The following RPS6KC1 variants were observed in gnomAD, a reference collection of about 807,000 sequenced individuals.
The protein encoded by RPS6KC1 is ribosomal protein S6 kinase C1.
RPS6KC1 carries 54 observed loss-of-function variants against 103.8 expected under a neutral mutation model. The ratio of observed to expected loss-of-function variants is 0.52; its 90% CI spans 0.42 to 0.65. The LOEUF (loss-of-function observed/expected upper bound fraction) is 0.65, where lower values mean the gene tolerates loss of function less well. Among genes scored for constraint, RPS6KC1 ranks in the 30% least tolerant of loss-of-function variants. The probability of loss-of-function intolerance (pLI) is 0.00; values close to 1 mark genes in which losing one functional copy is unlikely to be tolerated. For synonymous variants in RPS6KC1, 439 were observed against 438.7 expected, an observed-to-expected ratio of 1.00 and a Z score of -0.01; for missense variants, 1,151 against 1,253.8, an observed-to-expected ratio of 0.92 and a Z score of 1.24.
the RPS6KC1 span, among the ~76,000 whole-genome samples, chr1:213,584,102 A>G: frequency 2.0e-5 from 3 of 151,968 alleles, no homozygotes; most frequent in African/African-American, 7.3e-5. Flanking sequence ...ATGAGTTCTG[A>G]TGTTTTTTCA....
chr1:213,503,211 C>T, the RPS6KC1 span, among the ~76,000 whole-genome samples: 2 of 152,126 alleles, frequency 1.3e-5, no homozygotes, highest in Non-Finnish European at 2.9e-5. Context: ...ACCTCTTGGC[C>T]TTATAGTTTC....
the RPS6KC1 span, among the ~76,000 whole-genome samples, chr1:213,308,216 A>G: frequency 4.0e-5 from 6 of 150,386 alleles, no homozygotes; most frequent in African/African-American, 1.5e-4. Flanking sequence ...CGGGAGGCTG[A>G]GGCATGAGAA....
chr1:213,268,287 A>G (rs1467184482), intron 14 of RPS6KC1, among the ~76,000 whole-genome samples: 1 of 151,930 alleles, frequency 6.6e-6, no homozygotes, highest in African/African-American at 2.4e-5. Flanking sequence ...CAAAGTGCTG[A>G]AATCAAGAAG....
At chr1:213,378,568 A>G in the RPS6KC1 span, among the ~76,000 whole-genome samples, 1 of 152,176 alleles carries the variant, frequency 6.6e-6, no homozygotes, top group Non-Finnish European at 1.5e-5. Flanking sequence ...GGAAAGAGGA[A>G]ACTGATGTTT....
At chr1:213,518,276 G>A in the RPS6KC1 span, among the ~76,000 whole-genome samples, 1 of 152,190 alleles carries the variant, frequency 6.6e-6, no homozygotes, top group African/African-American at 2.4e-5. Context: ...CTTTGCAGAT[G>A]TAATTAAGTT....
At chr1:213,263,438 G>A (rs2094844388) in intron 14 of RPS6KC1, among the ~76,000 whole-genome samples, 1 of 152,188 alleles carries the variant, frequency 6.6e-6, no homozygotes, top group Non-Finnish European at 1.5e-5. Context: ...GTTTCGTGTA[G>A]TGAATTTTGC....
the RPS6KC1 span, among the ~76,000 whole-genome samples, chr1:213,664,483 A>G: frequency 0.028 from 4,323 of 151,804 alleles, 77 homozygotes; most frequent in Non-Finnish European, 0.039. Flanking sequence ...AGCTCTCTCT[A>G]GTATGCCCCT....
At chr1:213,403,793 A>T in the RPS6KC1 span, among the ~76,000 whole-genome samples, 1 of 151,788 alleles carries the variant, frequency 6.6e-6, no homozygotes. Context: ...TATCATTCTG[A>T]CACACACCAT....
At chr1:213,483,080 G>A in the RPS6KC1 span, among the ~76,000 whole-genome samples, 1 of 152,104 alleles carries the variant, frequency 6.6e-6, no homozygotes, top group South Asian at 2.1e-4. Context: ...AATTTTAAAA[G>A]TACCTTTTTA....
the RPS6KC1 span, among the ~76,000 whole-genome samples, chr1:213,410,321 T>C: frequency 2.0e-5 from 3 of 152,086 alleles, no homozygotes; most frequent in Admixed American, 6.5e-5. Flanking sequence ...TGGAAGGGTC[T>C]GCCTCAGATG....
At chr1:213,379,475 G>A in the RPS6KC1 span, among the ~76,000 whole-genome samples, 2 of 152,116 alleles carry the variant, frequency 1.3e-5, no homozygotes, top group East Asian at 1.9e-4. Context: ...CCAGAAGCTT[G>A]GGGAGAGGCC....
the RPS6KC1 span, among the ~76,000 whole-genome samples, chr1:213,763,786 A>C: frequency 1.3e-5 from 2 of 152,122 alleles, no homozygotes; most frequent in African/African-American, 4.8e-5. Flanking sequence ...GCTGATTTGC[A>C]CTTCTTAATT....
the RPS6KC1 span, among the ~76,000 whole-genome samples, chr1:213,674,464 C>T: frequency 5.9e-5 from 9 of 152,158 alleles, no homozygotes; most frequent in Admixed American, 5.9e-4. Context: ...ATGCAGAGGA[C>T]ATGATTTTAT....
chr1:213,158,871 G>A (rs1377269103), intron 6 of RPS6KC1, among the ~76,000 whole-genome samples: 1 of 152,108 alleles, frequency 6.6e-6, no homozygotes, highest in East Asian at 1.9e-4. Context: ...ATTTGTTCTG[G>A]AAACATAGAA....
chr1:213,747,378 A>T, the RPS6KC1 span, among the ~76,000 whole-genome samples: 2 of 152,198 alleles, frequency 1.3e-5, no homozygotes, highest in Non-Finnish European at 2.9e-5. Context: ...CAAATGCTCA[A>T]CTGGATGGGG....
the RPS6KC1 span, among the ~76,000 whole-genome samples, chr1:213,416,459 A>G: frequency 1.3e-5 from 2 of 152,238 alleles, no homozygotes; most frequent in Non-Finnish European, 2.9e-5. Flanking sequence ...CTTGGCCAGT[A>G]AAGGCAGGCT....
At chr1:213,486,623 G>T in the RPS6KC1 span, among the ~76,000 whole-genome samples, 1 of 152,154 alleles carries the variant, frequency 6.6e-6, no homozygotes, top group Non-Finnish European at 1.5e-5. Context: ...CATTAAGCCT[G>T]GTGGTGTTGG....
At chr1:213,685,776 T>C in the RPS6KC1 span, among the ~76,000 whole-genome samples, 1 of 152,208 alleles carries the variant, frequency 6.6e-6, no homozygotes, top group Non-Finnish European at 1.5e-5. Flanking sequence ...CTTAAAACAG[T>C]GTCTGGCATA....
the RPS6KC1 span, among the ~76,000 whole-genome samples, chr1:213,574,113 G>A: frequency 6.6e-6 from 1 of 152,208 alleles, no homozygotes; most frequent in African/African-American, 2.4e-5. Flanking sequence ...CAGAAACAGG[G>A]CAAGTTAGTA....
Sources: allele counts gnomAD v4.1 joint callset (sites outside exome capture counted in the v4.1 genomes callset), GRCh38; gene constraint gnomAD v4.1.1; transcripts MANE v1.5; gene names NCBI Gene and HGNC (gene_info 2026-07-23, HGNC 2026-07-21).